Variants in RXFP1 observed in about 807,000 individuals in gnomAD.
The protein encoded by RXFP1 is relaxin receptor 1.
In RXFP1, 73 loss-of-function variants were observed where a neutral mutation model predicts 89.8. The ratio of observed to expected loss-of-function variants is 0.81; its 90% CI spans 0.67 to 0.99. The LOEUF (loss-of-function observed/expected upper bound fraction) is 0.99. Among genes scored for constraint, RXFP1 ranks in the 50% least tolerant of loss-of-function variants. The pLI, the probability that RXFP1 is intolerant of heterozygous loss-of-function variation, is 0.00. For synonymous variants in RXFP1, 277 were observed against 305.5 expected (o/e 0.91, Z 0.97); for missense variants, 793 against 895.5 (o/e 0.89, Z 1.46).
At chr4:158,635,434 T>G (rs1469971628) in intron 12 of RXFP1, among the ~76,000 whole-genome samples, 2 of 152,244 alleles carry the variant, frequency 1.3e-5, no homozygotes, top group East Asian at 3.8e-4. Flanking sequence ...CTTTAGGATA[T>G]TCTACATATA....
chr4:158,528,366 C>T (rs1284831752), intron 1 of RXFP1, among the ~76,000 whole-genome samples: 3 of 152,088 alleles, frequency 2.0e-5, no homozygotes, highest in East Asian at 1.9e-4. Flanking sequence ...TTTAGCCAGT[C>T]GTGGTGGCAA....
At chr4:158,550,778 G>A (rs148055324) in intron 1 of RXFP1, among the ~76,000 whole-genome samples, 110 of 152,246 alleles carry the variant, frequency 7.2e-4, no homozygotes, top group Middle Eastern at 3.4e-3. Flanking sequence ...GGAATCAGAC[G>A]GATCTGCATC....
chr4:158,645,233 AT>A, intron 15 of RXFP1, 95 bp downstream of exon 15: 2 of 902,570 alleles, frequency 2.2e-6, no homozygotes, highest in Non-Finnish European at 3.4e-6. Context: ...GAATTATGGA[AT>A]TTTACATTTT....
intron 9 of RXFP1, among the ~76,000 whole-genome samples, chr4:158,621,534 T>C (rs1048418585): frequency 2.6e-5 from 4 of 152,130 alleles, no homozygotes; most frequent in Admixed American, 2.6e-4. Flanking sequence ...CAATAGAATA[T>C]ACAAAGCTTT....
At position 158,587,940 on chromosome 4, in the gene RXFP1, C is replaced by G. The variant is rs889864359; in HGVS notation, c.188-5461C>G. Among the ~76,000 whole-genome samples the G allele has an allele frequency of 2.6e-5, 4 of 152,162 alleles. No individual in the cohort carries two copies. In the South Asian group the frequency reaches 8.3e-4, roughly 32 times the overall value. ...TTAAAAGGGGTGAATGAAAGTCTCT[C>G]AAAGAATTCTCCTTATCTAAAGATA... On this transcript the variant is annotated intron_variant, in intron 2 of 17. Transcript: ENST00000307765.
chr4:158,571,468 A>G (rs546370025), intron 1 of RXFP1, among the ~76,000 whole-genome samples: 2 of 152,306 alleles, frequency 1.3e-5, no homozygotes, highest in East Asian at 3.9e-4. Flanking sequence ...GGAGTTCAAG[A>G]CCAGCCTGAC....
At chr4:158,577,780 T>G (rs1756549003) in intron 2 of RXFP1, among the ~76,000 whole-genome samples, 1 of 152,166 alleles carries the variant, frequency 6.6e-6, no homozygotes, top group Non-Finnish European at 1.5e-5. Flanking sequence ...TTTGAACTAA[T>G]ACATGAACTA....
At chr4:158,637,548 T>A (rs1202712688) in intron 12 of RXFP1, among the ~76,000 whole-genome samples, 1 of 152,220 alleles carries the variant, frequency 6.6e-6, no homozygotes, top group East Asian at 1.9e-4. Flanking sequence ...TTGAAAAATG[T>A]CTATTCAAGC....
intron 4 of RXFP1, among the ~76,000 whole-genome samples, chr4:158,604,072 C>G (rs1439685997): frequency 6.6e-6 from 1 of 151,548 alleles, no homozygotes; most frequent in Non-Finnish European, 1.5e-5. Flanking sequence ...AAATTAGATT[C>G]CAAAAATGTG....
chr4:158,553,447 G>T (rs1198936545), intron 1 of RXFP1, among the ~76,000 whole-genome samples: 3 of 152,150 alleles, frequency 2.0e-5, no homozygotes, highest in Admixed American at 6.5e-5. Flanking sequence ...TAGGAGAGAG[G>T]GGATGGAACT....
At chr4:158,638,202 C>A in intron 13 of RXFP1, 123 bp downstream of exon 13, 2 of 576,736 alleles carry the variant, frequency 3.5e-6, no homozygotes, top group Non-Finnish European at 6.1e-6. Flanking sequence ...TTTAGCTCCA[C>A]AAAAACATAT....
intron 8 of RXFP1, among the ~76,000 whole-genome samples, chr4:158,616,109 G>T (rs571915564): frequency 2.0e-5 from 3 of 152,166 alleles, no homozygotes; most frequent in African/African-American, 2.4e-5. Context: ...TCTGCAAAGT[G>T]CAATAAAGCA....
At chr4:158,570,455 C>G (rs1271195038) in intron 1 of RXFP1, among the ~76,000 whole-genome samples, 1 of 152,084 alleles carries the variant, frequency 6.6e-6, no homozygotes, top group Non-Finnish European at 1.5e-5. Flanking sequence ...CCCTACCTTT[C>G]CCCCAGAGAG....
intron 14 of RXFP1, among the ~76,000 whole-genome samples, chr4:158,641,218 T>C (rs1201859881): frequency 1.3e-5 from 2 of 152,050 alleles, no homozygotes; most frequent in Non-Finnish European, 2.9e-5. Flanking sequence ...TGGAAGAAAA[T>C]GGTATAACAC....
intron 11 of RXFP1, among the ~76,000 whole-genome samples, chr4:158,630,366 T>A (rs531175220): frequency 6.6e-6 from 1 of 152,188 alleles, no homozygotes. Context: ...AGGAAAGTAG[T>A]CTAAATAGTA....
At chr4:158,613,036 G>T (rs1763871210) in intron 8 of RXFP1, among the ~76,000 whole-genome samples, 1 of 152,050 alleles carries the variant, frequency 6.6e-6, no homozygotes, top group Non-Finnish European at 1.5e-5. Context: ...AAATTTTTTT[G>T]GTTTCCCAGT....
chr4:158,619,493 T>G (rs964375981), intron 9 of RXFP1, among the ~76,000 whole-genome samples: 3 of 152,160 alleles, frequency 2.0e-5, no homozygotes, highest in African/African-American at 7.2e-5. Context: ...TTAATAAACT[T>G]GTAAGCTTAA....
At chr4:158,633,323 T>A in intron 11 of RXFP1, 82 bp from the exon 12 acceptor site, 1 of 898,132 alleles carries the variant, frequency 1.1e-6, no homozygotes, top group Non-Finnish European at 1.8e-6. Context: ...TGAAAAGTTG[T>A]ATAGTGGTTT....
intron 3 of RXFP1, among the ~76,000 whole-genome samples, chr4:158,597,650 CT>C (rs1380755731): frequency 6.6e-6 from 1 of 151,970 alleles, no homozygotes; most frequent in Admixed American, 6.5e-5. Context: ...TCATTTTTCC[CT>C]ATTGCAGATA....
Sources: gnomAD v4.1 joint callset for allele counts (sites outside exome capture counted in the v4.1 genomes callset) on GRCh38, gnomAD v4.1.1 for gene constraint, MANE v1.5 for transcripts, NCBI Gene and HGNC (gene_info 2026-07-23, HGNC 2026-07-21) for gene names.